Variants in MSRA observed in about 807,000 individuals in gnomAD.
MSRA encodes the protein mitochondrial peptide methionine sulfoxide reductase.
Under a neutral mutation model 31.3 loss-of-function variants are expected in MSRA, and 54 were observed. That is an observed-to-expected ratio of 1.73 (90% CI 1.39 to 2.17). The LOEUF (loss-of-function observed/expected upper bound fraction) is 2.17. Ranked by LOEUF, MSRA falls within the 30% of genes most tolerant of loss-of-function variation. The probability of loss-of-function intolerance (pLI) is 0.00; values close to 1 mark genes in which losing one functional copy is unlikely to be tolerated. For synonymous variants in MSRA, 169 were observed against 116.5 expected (o/e 1.45, Z -2.90); for missense variants, 507 against 300.9 (o/e 1.69, Z -5.07).
chr8:10,156,660 T>C (rs1804177067), intron 1 of MSRA, among the ~76,000 whole-genome samples: 2 of 152,174 alleles, frequency 1.3e-5, no homozygotes, highest in East Asian at 3.8e-4. Context: ...AAATAGTTTC[T>C]GCAAGATGAG....
At chr8:10,168,170 T>C (rs1340738929) in intron 1 of MSRA, among the ~76,000 whole-genome samples, 2 of 152,198 alleles carry the variant, frequency 1.3e-5, no homozygotes, top group Admixed American at 6.5e-5. Context: ...TGTAGGATAA[T>C]TGTGAGCATA....
At chr8:10,275,017 A>T (rs752806682) in intron 3 of MSRA, among the ~76,000 whole-genome samples, 4 of 151,962 alleles carry the variant, frequency 2.6e-5, no homozygotes, top group African/African-American at 4.8e-5. Context: ...ACTATATATG[A>T]TATTAATATT....
chr8:10,093,199 G>A (rs1295042685), intron 1 of MSRA, among the ~76,000 whole-genome samples: 1 of 152,070 alleles, frequency 6.6e-6, no homozygotes, highest in Non-Finnish European at 1.5e-5. Context: ...TGCAATTACT[G>A]ATGAGATAGG....
intron 1 of MSRA, among the ~76,000 whole-genome samples, chr8:10,081,030 G>A (rs1798267648): frequency 6.6e-6 from 1 of 152,230 alleles, no homozygotes; most frequent in Admixed American, 6.5e-5. Context: ...GGAGATGCCT[G>A]GGCAGGATGT....
chr8:10,297,307 G>A (rs1460223356), intron 3 of MSRA, among the ~76,000 whole-genome samples: 1 of 152,188 alleles, frequency 6.6e-6, no homozygotes, highest in African/African-American at 2.4e-5. Flanking sequence ...GATGCTTAGA[G>A]AGGACATCAT....
intron 1 of MSRA, among the ~76,000 whole-genome samples, chr8:10,156,766 T>C (rs1411502848): frequency 1.3e-5 from 2 of 151,804 alleles, no homozygotes. Context: ...AGTCATGCAG[T>C]TGTACTTATT....
intron 1 of MSRA, among the ~76,000 whole-genome samples, chr8:10,093,271 A>C (rs1374750748): frequency 6.6e-6 from 1 of 151,814 alleles, no homozygotes; most frequent in East Asian, 1.9e-4. Flanking sequence ...TTCTGTTACT[A>C]CCTTATTTTA....
intron 1 of MSRA, among the ~76,000 whole-genome samples, chr8:10,123,805 G>A (rs1164641626): frequency 6.6e-6 from 1 of 151,844 alleles, no homozygotes; most frequent in African/African-American, 2.4e-5. Context: ...TCAGATTGTT[G>A]TAGGTGTGCA....
At chr8:10,391,893 T>C (rs1476080765) in intron 5 of MSRA, among the ~76,000 whole-genome samples, 7 of 152,170 alleles carry the variant, frequency 4.6e-5, no homozygotes, top group East Asian at 1.9e-4. Context: ...GTGCTGATCA[T>C]GCAGTGAACA....
At chr8:10,222,893 A>AT (rs1426536463) in intron 2 of MSRA, among the ~76,000 whole-genome samples, 2 of 152,298 alleles carry the variant, frequency 1.3e-5, no homozygotes, top group African/African-American at 4.8e-5. Context: ...AGTTCTGGAG[A>AT]TCTTGGTGAC....
chr8:10,423,028 C>T (rs995144936), intron 5 of MSRA, among the ~76,000 whole-genome samples: 2 of 152,226 alleles, frequency 1.3e-5, no homozygotes, highest in African/African-American at 4.8e-5. Flanking sequence ...TGACATCCCA[C>T]TGTCACGGGT....
intron 5 of MSRA, among the ~76,000 whole-genome samples, chr8:10,424,730 G>C (rs1280422631): frequency 1.3e-5 from 2 of 152,226 alleles, no homozygotes; most frequent in Non-Finnish European, 2.9e-5. Flanking sequence ...GGGCCAGGGA[G>C]AGGCCCCCTC....
chr8:10,143,425 C>T (rs1315996787), intron 1 of MSRA, among the ~76,000 whole-genome samples: 1 of 152,132 alleles, frequency 6.6e-6, no homozygotes, highest in African/African-American at 2.4e-5. Context: ...AATTTCAGCC[C>T]CGTTACTATG....
chr8:10,145,863 C>G (rs535021081), intron 1 of MSRA, among the ~76,000 whole-genome samples: 4 of 152,076 alleles, frequency 2.6e-5, no homozygotes, highest in Non-Finnish European at 2.9e-5. Flanking sequence ...GGCATTGTAA[C>G]TTGAAAGCTT....
intron 3 of MSRA, among the ~76,000 whole-genome samples, chr8:10,297,318 C>A (rs1800600365): frequency 6.6e-6 from 1 of 152,184 alleles, no homozygotes; most frequent in African/African-American, 2.4e-5. Flanking sequence ...AGGACATCAT[C>A]CTTTTCATTT....
chr8:10,157,636 T>A (rs185852097), intron 1 of MSRA, among the ~76,000 whole-genome samples: 1 of 152,082 alleles, frequency 6.6e-6, no homozygotes, highest in East Asian at 1.9e-4. Flanking sequence ...TCTAAAATAA[T>A]AATAATAATA....
At chr8:10,226,871 G>C (rs1456714030) in intron 2 of MSRA, among the ~76,000 whole-genome samples, 7 of 152,316 alleles carry the variant, frequency 4.6e-5, no homozygotes, top group Middle Eastern at 3.4e-3. Context: ...GGAGGAGTTT[G>C]ATTCTTCTGG....
At chr8:10,135,357 C>T (rs1016322162) in intron 1 of MSRA, among the ~76,000 whole-genome samples, 1 of 152,158 alleles carries the variant, frequency 6.6e-6, no homozygotes, top group African/African-American at 2.4e-5. Context: ...GTTTACTTGG[C>T]ATGAGAGAGT....
At chr8:10,363,049 C>T (rs1033200074) in intron 5 of MSRA, among the ~76,000 whole-genome samples, 2 of 152,240 alleles carry the variant, frequency 1.3e-5, no homozygotes, top group African/African-American at 4.8e-5. Context: ...TCGCCAGCCT[C>T]AGTCACTGGT....
Sources: gnomAD v4.1 joint callset for allele counts (sites outside exome capture counted in the v4.1 genomes callset) on GRCh38, gnomAD v4.1.1 for gene constraint, MANE v1.5 for transcripts, NCBI Gene and HGNC (gene_info 2026-07-23, HGNC 2026-07-21) for gene names.